Variants in SPOCK1 observed in about 807,000 individuals in gnomAD.
The protein encoded by SPOCK1 is SPARC (osteonectin), cwcv and kazal like domains proteoglycan 1.
Under a neutral mutation model 55.3 loss-of-function variants are expected in SPOCK1, and 23 were observed. The ratio of observed to expected loss-of-function variants is 0.42; its 90% confidence interval spans 0.30 to 0.59. The LOEUF is 0.59. Ranked by LOEUF, SPOCK1 falls within the 20% of genes least tolerant of loss-of-function variation. The pLI, the probability that SPOCK1 is intolerant of heterozygous loss-of-function variation, is 0.22. For missense variants in SPOCK1, 499 were observed against 552.5 expected (o/e 0.90, Z 0.97); for synonymous variants, 226 against 221.0 (o/e 1.02, Z -0.20).
intron 3 of SPOCK1, among the ~76,000 whole-genome samples, chr5:137,164,156 T>C (rs1040994935): frequency 2.0e-5 from 3 of 152,176 alleles, no homozygotes; most frequent in Non-Finnish European, 2.9e-5. Context: ...CCAAGAATAT[T>C]CAAAATAACC....
intron 2 of SPOCK1, among the ~76,000 whole-genome samples, chr5:137,334,348 T>C (rs1750191570): frequency 1.3e-5 from 2 of 152,192 alleles, no homozygotes; most frequent in African/African-American, 4.8e-5. Context: ...TTTCCACCTG[T>C]CTGAAGGCAG....
intron 2 of SPOCK1, among the ~76,000 whole-genome samples, chr5:137,337,568 C>T (rs1170260086): frequency 6.6e-6 from 1 of 152,158 alleles, no homozygotes; most frequent in Non-Finnish European, 1.5e-5. Context: ...CTAAAGACAC[C>T]TAATAACTCA....
chr5:137,074,548 C>G (rs758764830), intron 5 of SPOCK1, among the ~76,000 whole-genome samples: 2 of 152,194 alleles, frequency 1.3e-5, no homozygotes, highest in Non-Finnish European at 2.9e-5. Context: ...CTGAGTTTCG[C>G]TCTTATTGCC....
chr5:137,164,487 G>C (rs549963806), intron 3 of SPOCK1, among the ~76,000 whole-genome samples: 2 of 152,268 alleles, frequency 1.3e-5, no homozygotes, highest in Admixed American at 6.5e-5. Context: ...TCTAAGATGT[G>C]CTGGCTTCAG....
At chr5:137,393,973 T>G (rs958875419) in intron 2 of SPOCK1, among the ~76,000 whole-genome samples, 4 of 152,214 alleles carry the variant, frequency 2.6e-5, no homozygotes, top group African/African-American at 9.6e-5. Flanking sequence ...TTTTCTATTT[T>G]TCTACAGTTA....
chr5:137,496,616 A>T (rs549827077), intron 2 of SPOCK1, among the ~76,000 whole-genome samples: 1 of 152,254 alleles, frequency 6.6e-6, no homozygotes, highest in East Asian at 1.9e-4. Context: ...TATCTAAAAG[A>T]TAGCCATAGA....
At chr5:137,051,141 G>A (rs547177883) in intron 6 of SPOCK1, among the ~76,000 whole-genome samples, 2 of 152,300 alleles carry the variant, frequency 1.3e-5, no homozygotes, top group African/African-American at 2.4e-5. Flanking sequence ...GAATTATTGA[G>A]TAAAAGTCAT....
At position 137,493,935 on chromosome 5, in the gene SPOCK1, G is replaced by A. The variant is rs2204739; in HGVS notation, c.186+4438C>T. ...AGATGCTCGCTGCCACCCCAGCTCT[G>A]CTACAAAGACCACCAAATCCCACAG... On this transcript the variant is annotated intron_variant, in intron 2 of 10. Transcript: ENST00000394945. Among the ~76,000 whole-genome samples, 627 of 152,178 alleles carry A rather than the reference G, an allele frequency of 4.1e-3. 4 individuals carry two copies. Among genetic ancestry groups the A allele is most frequent in the African/African-American group, 0.014 (594 of 41,500 alleles).
intron 2 of SPOCK1, among the ~76,000 whole-genome samples, chr5:137,268,946 C>G (rs1756909876): frequency 6.6e-6 from 1 of 152,232 alleles, no homozygotes; most frequent in South Asian, 2.1e-4. Flanking sequence ...AGGCCACATT[C>G]TCTTTGATGT....
chr5:137,300,267 C>T (rs552224337), intron 2 of SPOCK1, among the ~76,000 whole-genome samples: 2 of 152,134 alleles, frequency 1.3e-5, no homozygotes, highest in Admixed American at 6.5e-5. Flanking sequence ...CCCCAATTTG[C>T]GTATTATGTC....
At chr5:137,397,833 C>T (rs1375381697) in intron 2 of SPOCK1, among the ~76,000 whole-genome samples, 1 of 152,172 alleles carries the variant, frequency 6.6e-6, no homozygotes, top group East Asian at 1.9e-4. Flanking sequence ...GCTCAAACAT[C>T]GCTCCCCCAG....
chr5:137,161,095 A>AAT (rs996989927), intron 3 of SPOCK1, among the ~76,000 whole-genome samples: 6 of 146,926 alleles, frequency 4.1e-5, no homozygotes, highest in Non-Finnish European at 6.0e-5. Flanking sequence ...CATATTATAT[A>AAT]ATATATATAT....
rs553882586 is a variant in SPOCK1 at position 137,213,044 on chromosome 5, C to G, written c.232+53966G>C. On this transcript the variant is annotated intron_variant, in intron 3 of 10. Coordinates refer to ENST00000394945, the MANE Select transcript of SPOCK1 (RefSeq NM_004598.4). ...GAGGCCTCTGCAAATCACTGTGGAT[C>G]CTTTCAGGAAGGAGAAAGCCCAATG... Among the ~76,000 whole-genome samples, 141 of 152,220 alleles carry G rather than the reference C, an allele frequency of 9.3e-4. 1 individual carries two copies. The highest frequency in any genetic ancestry group is 3.3e-3 in the African/African-American group (137 of 41,520).
chr5:137,039,609 G>A (rs572394403), intron 6 of SPOCK1, among the ~76,000 whole-genome samples: 5 of 152,126 alleles, frequency 3.3e-5, no homozygotes, highest in Non-Finnish European at 5.9e-5. Flanking sequence ...CAGGTCCCAC[G>A]CCCCCATGGG....
At chr5:137,281,976 T>C (rs940778155) in intron 2 of SPOCK1, among the ~76,000 whole-genome samples, 109 of 152,334 alleles carry the variant, frequency 7.2e-4, no homozygotes, top group African/African-American at 2.6e-3. Context: ...TTCTTGATGT[T>C]TCTATTGCCA....
rs965898537 is a variant in SPOCK1, at chr5:137,324,904, G to C, written c.187-57849C>G. 1.1e-3 allele frequency among the ~76,000 whole-genome samples: 163 copies of C among 151,302 alleles called. 1 individual carries two copies. Among genetic ancestry groups the C allele is most frequent in the Non-Finnish European group, 3.1e-4 (21 of 67,956 alleles). On this transcript the variant is annotated intron_variant, in intron 2 of 10. Transcript: ENST00000394945. ...CCAAAATTTCGTTTCCAAAGGGACA[G>C]AGAGAGCAGACCATCACCAACACTA...
At chr5:137,051,407 T>G (rs1752206326) in intron 6 of SPOCK1, among the ~76,000 whole-genome samples, 1 of 152,256 alleles carries the variant, frequency 6.6e-6, no homozygotes, top group African/African-American at 2.4e-5. Context: ...GATTTCTTCC[T>G]GTTTGAATGC....
At chr5:137,114,809 T>A (rs1007734490) in intron 4 of SPOCK1, among the ~76,000 whole-genome samples, 1 of 152,184 alleles carries the variant, frequency 6.6e-6, no homozygotes, top group Non-Finnish European at 1.5e-5. Context: ...CCTGGGTCAG[T>A]CCCCAGTCTG....
At chr5:137,359,277 T>A (rs1750889243) in intron 2 of SPOCK1, among the ~76,000 whole-genome samples, 1 of 152,186 alleles carries the variant, frequency 6.6e-6, no homozygotes, top group African/African-American at 2.4e-5. Flanking sequence ...ATAAGACCCC[T>A]CTCTGGCTGT....
Sources: gnomAD v4.1 joint callset for allele counts (sites outside exome capture counted in the v4.1 genomes callset) on GRCh38, gnomAD v4.1.1 for gene constraint, MANE v1.5 for transcripts, NCBI Gene and HGNC (gene_info 2026-07-23, HGNC 2026-07-21) for gene names.